PSG8: variants seen among roughly 807,000 people sequenced by gnomAD.
The protein encoded by PSG8 is pregnancy specific beta-1-glycoprotein 8.
Under a neutral mutation model 42.5 loss-of-function variants are expected in PSG8, and 57 were observed. That is an observed-to-expected ratio of 1.34 (90% CI 1.08 to 1.67). The LOEUF is 1.67. PSG8 is among the 40% of genes most tolerant of loss of function. The pLI is 0.00. For synonymous variants in PSG8, 280 were observed against 196.8 expected, an observed-to-expected ratio of 1.42 and a Z score of -3.54; for missense variants, 783 against 518.6, an observed-to-expected ratio of 1.51 and a Z score of -4.95.
In PSG8 at chr19:42,765,607, T is replaced by C. The variant is rs749522143; in HGVS notation, c.-26A>G. ...GGTCTCTGCTGTCTGTGTGTTCTCC[T>C]CTGTGGAGATGAGCCTAGGATCCAG... On this transcript the variant is annotated 5_prime_UTR_variant, in exon 1 of 5. Coordinates refer to ENST00000306511, the MANE Select transcript of PSG8 (RefSeq NM_182707.3). 2.8e-5 allele frequency: 45 copies of C among 1,607,276 alleles called. No homozygotes were observed. The highest frequency in any genetic ancestry group is 3.7e-5 in the Non-Finnish European group (44 of 1,175,516).
chr19:42,754,214 G>A (rs549180652), downstream of PSG8: 1 of 1,571,692 alleles, frequency 6.4e-7, no homozygotes, highest in South Asian at 1.2e-5. Flanking sequence ...GGAGAATTTG[G>A]GATTTGCTTG....
chr19:42,765,436 T>C (rs2122293457), intron 1 of PSG8, 82 bp downstream of exon 1: 6 of 1,582,784 alleles, frequency 3.8e-6, no homozygotes, highest in Non-Finnish European at 4.3e-6. Context: ...TTTCATTTTT[T>C]AGTACCCCAT....
intron 1 of PSG8, 140 bp from the exon 2 acceptor site, chr19:42,764,421 C>T: frequency 7.1e-7 from 1 of 1,404,602 alleles, no homozygotes; most frequent in Non-Finnish European, 9.6e-7. Context: ...CACGCACACA[C>T]ACACACAAAA....
At chr19:42,759,556 C>T (rs535865042) in intron 2 of PSG8, among the ~76,000 whole-genome samples, 6 of 152,200 alleles carry the variant, frequency 3.9e-5, no homozygotes, top group Non-Finnish European at 8.8e-5. Flanking sequence ...ATGCACAATG[C>T]GCCAGTGAGC....
In PSG8 at chr19:42,755,134, G is replaced by T; in HGVS notation, c.842C>A (p.Pro281Gln). The T allele has an allele frequency of 1.6e-5, 26 of 1,611,832 alleles. No individual in the cohort carries two copies. Among genetic ancestry groups the T allele is most frequent in the Non-Finnish European group, 2.2e-5 (26 of 1,179,762 alleles). The change falls in exon 4 of 5, where the codon CCG becomes CAG. Residue 281 changes from proline to glutamine, a missense_variant. Transcript: ENST00000306511. ...GGGTCGCTTTACCCTGGGACTGACC[G>T]GGAGGCTCTGACCATTTAGCCACCA... ...YIWWLNGQSL[P>Q]VSPRVKRPIE...
rs764803115 is a variant in PSG8 at position 42,764,228 on chromosome 19, C to A, written c.118G>T (p.Ala40Ser). The change falls in exon 2 of 5, where the codon GCC becomes TCC. Residue 40 changes from alanine (A) to serine (S), a missense_variant. Ala to Ser is a moderately conservative substitution (Grantham distance 99). Transcript: ENST00000306511. ...PPTTAQVTIE[A>S]QPTKVSEGKD... ...CCCTCAGAAACTTTGGTTGGCTGGG[C>A]TTCAATCGTGACTTGGGCAGTCGTG... 9 of 1,613,586 alleles carry A rather than the reference C, an allele frequency of 5.6e-6. No homozygotes were observed. The African/African-American group carries it at 1.1e-4, about 19-fold the overall frequency.
intron 2 of PSG8, among the ~76,000 whole-genome samples, chr19:42,760,648 TC>T: frequency 6.6e-6 from 1 of 152,104 alleles, no homozygotes; most frequent in Middle Eastern, 3.4e-3. Context: ...AGTGGCATGA[TC>T]TCATCTCACT....
intron 2 of PSG8, among the ~76,000 whole-genome samples, chr19:42,762,472 T>C (rs988676431): frequency 6.6e-6 from 1 of 151,976 alleles, no homozygotes; most frequent in African/African-American, 2.4e-5. Flanking sequence ...GGCTAGAAAC[T>C]CCTAGGATTC....
chr19:42,754,562 G>A lies in PSG8; in HGVS notation c.1014C>T (p.Tyr338=), dbSNP rs758796006. Residue 338 remains tyrosine (Y), a synonymous_variant, in exon 5 of 5, where the codon TAC becomes TAT. Coordinates refer to ENST00000306511, the MANE Select transcript of PSG8 (RefSeq NM_182707.3). The stretch of plus-strand genomic sequence containing the variant: ...CTGAACGGTAATAGGTGAATGAAGG[G>A]TAAATTCTGGGGAGGTCTGGACCAT... ...VLYGPDLPRI[Y]PSFTYYRSGE... 1 of 1,613,432 alleles carries A rather than the reference G, an allele frequency of 6.2e-7. No individual in the cohort carries two copies. Among genetic ancestry groups the A allele is most frequent in the Admixed American group, 1.7e-5 (1 of 59,954 alleles).
At chr19:42,765,377 C>T (rs1970191301) in intron 1 of PSG8, 141 bp downstream of exon 1, 1 of 1,351,486 alleles carries the variant, frequency 7.4e-7, no homozygotes, top group Admixed American at 2.0e-5. Flanking sequence ...TGATCTTGAA[C>T]TCCTGATCTC....
intron 3 of PSG8, among the ~76,000 whole-genome samples, chr19:42,756,525 G>C (rs546505678): frequency 1.3e-4 from 20 of 152,232 alleles, no homozygotes; most frequent in Middle Eastern, 3.4e-3. Context: ...TCCCAAATCT[G>C]AAAGATTCAA....
At chr19:42,754,936 C>T (rs1306806772) in intron 4 of PSG8, 52 bp downstream of exon 4, 20 of 1,575,570 alleles carry the variant, frequency 1.3e-5, no homozygotes, top group East Asian at 1.1e-4. Context: ...GGCCTCTGGT[C>T]GTTTTGATTT....
intron 1 of PSG8, among the ~76,000 whole-genome samples, chr19:42,764,765 C>T (rs769387136): frequency 2.6e-5 from 4 of 152,086 alleles, no homozygotes; most frequent in Non-Finnish European, 4.4e-5. Context: ...TCCATGACAG[C>T]GTGAGCTCCA....
At chr19:42,762,830 G>A (rs1296014136) in intron 2 of PSG8, among the ~76,000 whole-genome samples, 1 of 152,090 alleles carries the variant, frequency 6.6e-6, no homozygotes, top group Admixed American at 6.5e-5. Context: ...GGATGCCTAA[G>A]AAGAGAGGTT....
chr19:42,763,729 G>A lies in PSG8; in HGVS notation c.430+187C>T, dbSNP rs547751607. 426 of 1,185,256 alleles carry A rather than the reference G, an allele frequency of 3.6e-4. 3 individuals are homozygous for A. In the South Asian group the frequency reaches 4.1e-3, roughly 11 times the overall value. 73.4% of individuals were successfully genotyped at this position (1,185,256 alleles called of 1,614,324 possible). On this transcript the variant is annotated intron_variant, in intron 2 of 4. Coordinates refer to ENST00000306511, the MANE Select transcript of PSG8 (RefSeq NM_182707.3). ...GCGAGTGTCTGCAGGGTCTGGATGC[G>A]GGAAAGGAATTCTGATCTGTTGAAA...
At chr19:42,762,408 G>C (rs1337017628) in intron 2 of PSG8, among the ~76,000 whole-genome samples, 1 of 152,082 alleles carries the variant, frequency 6.6e-6, no homozygotes, top group African/African-American at 2.4e-5. Context: ...GGGGCAAGAG[G>C]TAGTGGGGGG....
chr19:42,762,095 G>A (rs1970090797), intron 2 of PSG8, among the ~76,000 whole-genome samples: 1 of 151,438 alleles, frequency 6.6e-6, no homozygotes, highest in South Asian at 2.1e-4. Context: ...CCAGGCCACA[G>A]TGTTAGTGGG....
chr19:42,753,508 G>A, downstream of PSG8: 2 of 660,336 alleles, frequency 3.0e-6, no homozygotes, highest in Admixed American at 4.8e-5. Flanking sequence ...GATAATTTCA[G>A]TAGAATAAGT....
intron 2 of PSG8, among the ~76,000 whole-genome samples, chr19:42,763,472 C>A (rs1970127682): frequency 6.6e-6 from 1 of 152,154 alleles, no homozygotes; most frequent in Non-Finnish European, 1.5e-5. Flanking sequence ...CAACCCAGCC[C>A]CAGCACAGGC....
Sources: gnomAD v4.1 joint callset for allele counts (sites outside exome capture counted in the v4.1 genomes callset) on GRCh38, gnomAD v4.1.1 for gene constraint, MANE v1.5 for transcripts, NCBI Gene and HGNC (gene_info 2026-07-23, HGNC 2026-07-21) for gene names.